DEPDC4: variants seen among roughly 807,000 people sequenced by gnomAD.
DEPDC4 encodes DEP domain containing 4.
Under a neutral mutation model 52.0 loss-of-function variants are expected in DEPDC4, and 52 were observed. That is an observed-to-expected ratio of 1.00 (90% CI 0.80 to 1.26). The LOEUF (loss-of-function observed/expected upper bound fraction) is 1.26. Among genes scored for constraint, DEPDC4 ranks in the 50% most tolerant of loss-of-function variants. DEPDC4 has a pLI of 0.00. For missense variants in DEPDC4, 530 were observed against 546.9 expected (o/e 0.97, Z 0.31); for synonymous variants, 201 against 196.8 (o/e 1.02, Z -0.18).
intron 9 of DEPDC4, among the ~76,000 whole-genome samples, chr12:100,234,828 T>C (rs977071444): frequency 1.5e-4 from 23 of 152,330 alleles, no homozygotes; most frequent in Admixed American, 3.3e-4. Flanking sequence ...TAGCCTAACA[T>C]TGAATGATGA....
rs375036424 is a variant in DEPDC4, at chr12:100,264,244, T to C, written c.158-351A>G. ...GCAAATACACTTGAGTATTGATTAT[T>C]ACAGAGTTGTGGCTTCACCAAACTC... On this transcript the variant is annotated intron_variant, in intron 1 of 9. Coordinates refer to ENST00000550587, the MANE Select transcript of DEPDC4 (RefSeq NM_001364818.2). Among the ~76,000 whole-genome samples, 35 of 152,364 alleles carry C rather than the reference T, an allele frequency of 2.3e-4. No individual in the cohort carries two copies. In the East Asian group the frequency reaches 5.6e-3, roughly 24 times the overall value.
At chr12:100,254,470 C>T (rs113233534) in intron 4 of DEPDC4, among the ~76,000 whole-genome samples, 12 of 151,816 alleles carry the variant, frequency 7.9e-5, no homozygotes, top group African/African-American at 2.4e-4. Context: ...GGACTATAGG[C>T]GTGCACCATC....
At chr12:100,249,732 T>C (rs969526530) in intron 7 of DEPDC4, among the ~76,000 whole-genome samples, 2 of 152,206 alleles carry the variant, frequency 1.3e-5, no homozygotes, top group East Asian at 3.9e-4. Context: ...GCCATGATGC[T>C]GCCCCCTTTA....
At chr12:100,263,474 A>G (rs768067240) in intron 2 of DEPDC4, 23 bp downstream of exon 2, 7 of 1,524,464 alleles carry the variant, frequency 4.6e-6, no homozygotes, top group Non-Finnish European at 6.2e-6. Context: ...AAAATATATT[A>G]CAGTATCTTA....
upstream of DEPDC4, among the ~76,000 whole-genome samples, chr12:100,269,810 A>G (rs1473240207): frequency 2.0e-5 from 3 of 152,146 alleles, no homozygotes; most frequent in East Asian, 5.8e-4. Flanking sequence ...CAGGATACAG[A>G]TATACTTCAC....
At chr12:100,265,213 G>C (rs1440133473) in intron 1 of DEPDC4, among the ~76,000 whole-genome samples, 2 of 152,138 alleles carry the variant, frequency 1.3e-5, no homozygotes, top group African/African-American at 4.8e-5. Context: ...AGGATCACTT[G>C]AGCCAGGGAG....
the DEPDC4 span, among the ~76,000 whole-genome samples, chr12:100,280,699 A>G: frequency 6.6e-6 from 1 of 152,180 alleles, no homozygotes; most frequent in African/African-American, 2.4e-5. Flanking sequence ...TTGAGCAGTG[A>G]TATGGTGCTT....
chr12:100,266,454 TA>T (rs1217125503), intron 1 of DEPDC4, among the ~76,000 whole-genome samples: 4 of 152,128 alleles, frequency 2.6e-5, no homozygotes, highest in Non-Finnish European at 5.9e-5. Context: ...CTGTTTTCCA[TA>T]GACAGTCTAC....
chr12:100,242,154 A>G (rs1288990776), intron 9 of DEPDC4, among the ~76,000 whole-genome samples: 1 of 152,228 alleles, frequency 6.6e-6, no homozygotes, highest in African/African-American at 2.4e-5. Flanking sequence ...AAACATGAAC[A>G]AAGAATGTCT....
chr12:100,245,991 C>T lies in DEPDC4; in HGVS notation c.1453+2909G>A, dbSNP rs142285302. On this transcript the variant is annotated intron_variant, in intron 8 of 9. Transcript: ENST00000550587. The stretch of plus-strand genomic sequence containing the variant: ...TTTTTGGTTTTCTGAGACAGAATCT[C>T]ACTCTGTCACCCAAACTGAGTTCAG... Among the ~76,000 whole-genome samples, 209 of 151,798 alleles carry T rather than the reference C, an allele frequency of 1.4e-3. 1 individual carries two copies. Among genetic ancestry groups the T allele is most frequent in the Admixed American group, 2.2e-3 (34 of 15,246 alleles).
chr12:100,267,338 T>A, upstream of DEPDC4: 1 of 359,276 alleles, frequency 2.8e-6, no homozygotes. Flanking sequence ...CCAGGAGGCG[T>A]TTATTAGGGG....
chr12:100,274,850 T>C, the DEPDC4 span, among the ~76,000 whole-genome samples: 1 of 152,240 alleles, frequency 6.6e-6, no homozygotes, highest in Non-Finnish European at 1.5e-5. Context: ...GTTTGTGCCA[T>C]AGACCCTTTT....
At chr12:100,268,037 A>G (rs1416837740), upstream of DEPDC4, among the ~76,000 whole-genome samples, 1 of 152,116 alleles carries the variant, frequency 6.6e-6, no homozygotes, top group Non-Finnish European at 1.5e-5. Context: ...AGCTTGCAAA[A>G]ACTTATTGGA....
intron 8 of DEPDC4, among the ~76,000 whole-genome samples, chr12:100,245,321 T>C (rs1197486044): frequency 6.6e-6 from 1 of 151,088 alleles, no homozygotes; most frequent in Non-Finnish European, 1.5e-5. Context: ...GGCTGGAGCG[T>C]AGTGGCGAGA....
Position 100,244,343 on chromosome 12 carries a change from G to A in DEPDC4, c.1454-1774C>T, listed in dbSNP as rs937990513. On this transcript the variant is annotated intron_variant, in intron 8 of 9. Coordinates refer to ENST00000550587, the MANE Select transcript of DEPDC4 (RefSeq NM_001364818.2). Reference sequence around the variant, plus strand: ...CTACAGGCACCCGCCACCAGGCCAGGCTAATTTTTTTGTATTTTTAGTAGA... The same window carrying A: ...CTACAGGCACCCGCCACCAGGCCAGACTAATTTTTTTGTATTTTTAGTAGA... Among the ~76,000 whole-genome samples the A allele has an allele frequency of 1.6e-3, 248 of 150,900 alleles. 1 individual carries two copies. Among genetic ancestry groups the A allele is most frequent in the African/African-American group, 5.9e-3 (242 of 41,158 alleles).
At chr12:100,247,201 GT>G (rs869121983) in intron 8 of DEPDC4, among the ~76,000 whole-genome samples, 611 of 71,684 alleles carry the variant, frequency 8.5e-3, no homozygotes, top group African/African-American at 0.02. Flanking sequence ...TCCCCTTAGT[GT>G]TTTTTTTTTT....
Position 100,262,428 on chromosome 12 carries a change from T to C in DEPDC4, c.555-19A>G. On this transcript the variant is annotated intron_variant, in intron 2 of 9. Coordinates refer to ENST00000550587, the MANE Select transcript of DEPDC4 (RefSeq NM_001364818.2). Reference sequence around the variant, plus strand: ...TCCTGGTCTGTTAAAAAATAATACGTGGCTCTTTTCATTATACACAGAACC... The same window carrying C: ...TCCTGGTCTGTTAAAAAATAATACGCGGCTCTTTTCATTATACACAGAACC... 1.3e-6 allele frequency: 2 copies of C among 1,579,752 alleles called. No homozygotes were observed. The highest frequency in any genetic ancestry group is 2.4e-5 in the South Asian group (2 of 82,348).
rs924852276 is a variant in DEPDC4 at position 100,241,245 on chromosome 12, G to T, written c.*647C>A. On this transcript the variant is annotated 3_prime_UTR_variant, in exon 10 of 10. Transcript: ENST00000550587. Reference sequence around the variant, plus strand: ...CTGTGGAAAAAAAAGGAAATTAACTGTACTAGATCCCTAATAATAGCAGCA... The same window carrying T: ...CTGTGGAAAAAAAAGGAAATTAACTTTACTAGATCCCTAATAATAGCAGCA... 1.8e-4 allele frequency among the ~76,000 whole-genome samples: 27 copies of T among 152,188 alleles called. No homozygotes were observed. The South Asian group carries it at 5.4e-3, about 30-fold the overall frequency.
upstream of DEPDC4, among the ~76,000 whole-genome samples, chr12:100,271,257 C>G (rs1190956305): frequency 2.0e-5 from 1 of 50,414 alleles, no homozygotes; most frequent in Non-Finnish European, 3.6e-5. Flanking sequence ...CCTTGCAGAG[C>G]AGCAAAAAAA....
Sources: allele counts gnomAD v4.1 joint callset (sites outside exome capture counted in the v4.1 genomes callset), GRCh38; gene constraint gnomAD v4.1.1; transcripts MANE v1.5; gene names NCBI Gene and HGNC (gene_info 2026-07-23, HGNC 2026-07-21).